TBC1D19: variants seen among roughly 807,000 people sequenced by gnomAD.
The protein encoded by TBC1D19 is TBC1 domain family, member 19.
TBC1D19 carries 60 observed loss-of-function variants against 89.0 expected under a neutral mutation model. The ratio of observed to expected loss-of-function variants is 0.67; its 90% CI spans 0.55 to 0.84. TBC1D19 has a LOEUF of 0.84. Ranked by LOEUF, TBC1D19 falls within the 40% of genes least tolerant of loss-of-function variation. The pLI, the probability that TBC1D19 is intolerant of heterozygous loss-of-function variation, is 0.00. For synonymous variants in TBC1D19, 189 were observed against 199.7 expected, an observed-to-expected ratio of 0.95 and a Z score of 0.45; for missense variants, 500 against 610.8, an observed-to-expected ratio of 0.82 and a Z score of 1.91.
downstream of TBC1D19, among the ~76,000 whole-genome samples, chr4:26,760,759 G>T (rs1719432865): frequency 6.6e-6 from 1 of 151,972 alleles, no homozygotes; most frequent in Admixed American, 6.6e-5. Context: ...TTCTTTTATG[G>T]TTTATATTTT....
In TBC1D19 at chr4:26,717,893, T is replaced by C. The variant is rs1447270617; in HGVS notation, c.955-40T>C. The C allele has an allele frequency of 4.0e-6, 6 of 1,495,288 alleles. No individual in the cohort carries two copies. In the African/African-American group the frequency reaches 8.3e-5, roughly 21 times the overall value. The allele number at this position is 1,495,288 out of a possible 1,614,324, so 92.6% of individuals were successfully genotyped here. ...AATAATGAATTACCTGGTTTTATAA[T>C]AGTGCTTAATTGCTATTTTTTTTCC... On this transcript the variant is annotated intron_variant, in intron 13 of 20. Coordinates refer to ENST00000264866, the MANE Select transcript of TBC1D19 (RefSeq NM_018317.4).
chr4:26,625,443 T>A (rs915311795), intron 4 of TBC1D19, among the ~76,000 whole-genome samples: 2 of 152,168 alleles, frequency 1.3e-5, no homozygotes. Context: ...GTTTCCCTTA[T>A]TATTAGCATC....
the TBC1D19 span, among the ~76,000 whole-genome samples, chr4:26,785,695 C>CTGTG: frequency 2.0e-5 from 3 of 151,032 alleles, no homozygotes; most frequent in East Asian, 1.9e-4. Context: ...CAGACGTACA[C>CTGTG]TGTGTGTGTG....
chr4:26,737,148 A>G (rs558433590), intron 16 of TBC1D19, among the ~76,000 whole-genome samples: 112 of 152,280 alleles, frequency 7.4e-4, no homozygotes, highest in African/African-American at 2.6e-3. Flanking sequence ...CTATCGTTCA[A>G]TGAAAACGAG....
chr4:26,800,839 C>A, the TBC1D19 span, among the ~76,000 whole-genome samples: 1 of 150,528 alleles, frequency 6.6e-6, no homozygotes, highest in African/African-American at 2.4e-5. Context: ...CCTTCGCCCA[C>A]TTTTTGATGG....
the TBC1D19 span, among the ~76,000 whole-genome samples, chr4:26,853,056 CAT>C: frequency 6.6e-6 from 1 of 152,280 alleles, no homozygotes; most frequent in Non-Finnish European, 1.5e-5. Context: ...CCTGTAAACA[CAT>C]ATGTCAGATG....
chr4:26,655,633 C>T (rs1456469903), intron 7 of TBC1D19, among the ~76,000 whole-genome samples: 1 of 151,986 alleles, frequency 6.6e-6, no homozygotes, highest in Non-Finnish European at 1.5e-5. Flanking sequence ...GCTGTGCTAG[C>T]AATGAGTGAG....
intron 4 of TBC1D19, among the ~76,000 whole-genome samples, chr4:26,623,547 ATC>A (rs1742209934): frequency 6.6e-6 from 1 of 152,108 alleles, no homozygotes; most frequent in African/African-American, 2.4e-5. Context: ...TTGTTGCCAC[ATC>A]TCTTTTTGCT....
the TBC1D19 span, among the ~76,000 whole-genome samples, chr4:26,775,287 A>G: frequency 1.3e-5 from 2 of 152,176 alleles, no homozygotes; most frequent in Non-Finnish European, 2.9e-5. Flanking sequence ...CCCTGTCTCT[A>G]CAAAACATTT....
the TBC1D19 span, among the ~76,000 whole-genome samples, chr4:26,803,272 C>T: frequency 6.6e-6 from 1 of 152,144 alleles, no homozygotes; most frequent in Non-Finnish European, 1.5e-5. Flanking sequence ...TGACAAATAG[C>T]TGTTACATGG....
chr4:26,688,090 A>G (rs2109157076), intron 12 of TBC1D19, among the ~76,000 whole-genome samples: 1 of 152,300 alleles, frequency 6.6e-6, no homozygotes, highest in South Asian at 2.1e-4. Flanking sequence ...ATATTAGATT[A>G]AAAGGAGATA....
chr4:26,825,151 T>A, the TBC1D19 span, among the ~76,000 whole-genome samples: 5 of 152,070 alleles, frequency 3.3e-5, no homozygotes, highest in Admixed American at 6.5e-5. Context: ...CAGGCTAGAT[T>A]GCAGTGGCAC....
intron 1 of TBC1D19, among the ~76,000 whole-genome samples, chr4:26,597,516 C>G (rs889170478): frequency 1.4e-5 from 2 of 145,668 alleles, no homozygotes; most frequent in African/African-American, 5.1e-5. Flanking sequence ...AGACTGACAG[C>G]TAGAGTCTTT....
intron 1 of TBC1D19, among the ~76,000 whole-genome samples, chr4:26,586,114 A>C (rs1206369821): frequency 3.2e-5 from 4 of 126,082 alleles, no homozygotes; most frequent in Non-Finnish European, 7.2e-5. Flanking sequence ...TAAATGTAGA[A>C]GTGTGATCCA....
chr4:26,733,208 T>C (rs919910422), intron 15 of TBC1D19, among the ~76,000 whole-genome samples: 3 of 152,220 alleles, frequency 2.0e-5, no homozygotes, highest in Admixed American at 6.5e-5. Flanking sequence ...CATACTATTT[T>C]TGATAAAATT....
At chr4:26,758,610 C>G (rs1023477837), downstream of TBC1D19, among the ~76,000 whole-genome samples, 1 of 152,128 alleles carries the variant, frequency 6.6e-6, no homozygotes, top group African/African-American at 2.4e-5. Flanking sequence ...TTCAGGGAAG[C>G]TGGATATGAA....
At chr4:26,793,656 G>A in the TBC1D19 span, among the ~76,000 whole-genome samples, 1 of 150,664 alleles carries the variant, frequency 6.6e-6, no homozygotes, top group Non-Finnish European at 1.5e-5. Flanking sequence ...CCAGGAAGTG[G>A]AGGTTGCAGT....
chr4:26,649,533 C>T (rs985001922), intron 7 of TBC1D19, among the ~76,000 whole-genome samples: 2 of 152,162 alleles, frequency 1.3e-5, no homozygotes, highest in African/African-American at 4.8e-5. Context: ...CTTCCCCATG[C>T]AGCCCTAGGC....
intron 13 of TBC1D19, among the ~76,000 whole-genome samples, chr4:26,694,112 G>A (rs11726910): frequency 0.46 from 69,387 of 151,886 alleles, 17,619 homozygotes; most frequent in Admixed American, 0.6. Flanking sequence ...TGCCTCACCC[G>A]GGAAGCACAA....
Sources: gnomAD v4.1 joint callset for allele counts (sites outside exome capture counted in the v4.1 genomes callset) on GRCh38, gnomAD v4.1.1 for gene constraint, MANE v1.5 for transcripts, NCBI Gene and HGNC (gene_info 2026-07-23, HGNC 2026-07-21) for gene names.